Variants in LRRC27 observed in about 807,000 individuals in gnomAD.
LRRC27 encodes leucine rich repeat containing 27.
Under a neutral mutation model 55.0 loss-of-function variants are expected in LRRC27, and 57 were observed. The observed-to-expected ratio is 1.04, with a 90% CI of 0.84 to 1.29. The LOEUF (loss-of-function observed/expected upper bound fraction) is 1.29. Among genes scored for constraint, LRRC27 ranks in the 50% most tolerant of loss-of-function variants. The pLI is 0.00. For synonymous variants in LRRC27, 278 were observed against 251.9 expected, an observed-to-expected ratio of 1.10 and a Z score of -0.98; for missense variants, 721 against 651.5, an observed-to-expected ratio of 1.11 and a Z score of -1.16.
At chr10:132,356,412 T>C (rs1006196954) in intron 8 of LRRC27, among the ~76,000 whole-genome samples, 4 of 150,438 alleles carry the variant, frequency 2.7e-5, no homozygotes, top group Non-Finnish European at 5.9e-5. Context: ...TCCCCCAAGA[T>C]TGCCAGCTCT....
At chr10:132,347,814 G>A (rs1265568763) in intron 5 of LRRC27, among the ~76,000 whole-genome samples, 170 bp from the exon 6 acceptor site, 1 of 152,194 alleles carries the variant, frequency 6.6e-6, no homozygotes, top group Admixed American at 6.5e-5. Context: ...CTGGCGTGGT[G>A]CAGGTGGCAG....
intron 9 of LRRC27, among the ~76,000 whole-genome samples, chr10:132,364,715 G>T (rs1482265417): frequency 4.1e-4 from 1 of 2,430 alleles, no homozygotes; most frequent in African/African-American, 8.9e-4. Context: ...CCACACTCAT[G>T]CAGTCCGCGT....
intron 7 of LRRC27, chr10:132,352,858 C>G (rs781272317): frequency 1.9e-6 from 3 of 1,613,050 alleles, no homozygotes; most frequent in Admixed American, 3.3e-5. Flanking sequence ...TTGTTCTTTT[C>G]CCTCATTTCT....
Position 132,348,169 on chromosome 10 carries a change from G to T in LRRC27, c.739G>T (p.Ala247Ser), listed in dbSNP as rs1233898345. ...KPDLSELRKS[A>S]DSSENWPSEE... The stretch of plus-strand genomic sequence containing the variant: ...AGACCTGAGTGAACTCAGGAAGTCT[G>T]CGGACTCCTCAGAGAACTGGCCCAG... Residue 247 changes from alanine to serine, a missense_variant, in exon 6 of 11, where the codon GCG becomes TCG. Physicochemically the swap from Ala to Ser is moderately conservative, Grantham distance 99. Coordinates refer to ENST00000368614, the MANE Select transcript of LRRC27 (RefSeq NM_030626.3). This position sits in a 1 kb window ranked among gnomAD's most constrained non-coding sequence, Gnocchi z 4.2. The T allele has an allele frequency of 2.8e-5, 45 of 1,613,974 alleles. No homozygotes were observed. Among genetic ancestry groups the T allele is most frequent in the Non-Finnish European group, 3.8e-5 (45 of 1,180,034 alleles).
intron 9 of LRRC27, among the ~76,000 whole-genome samples, chr10:132,363,851 C>G (rs1260658392): frequency 6.6e-6 from 1 of 152,162 alleles, no homozygotes; most frequent in Non-Finnish European, 1.5e-5. Flanking sequence ...AGGGCATGTT[C>G]TGTTCCTGCA....
Position 132,361,456 on chromosome 10 carries a change from G to T in LRRC27, c.1171-1G>T. The T allele has an allele frequency of 1.2e-6, 2 of 1,603,936 alleles. No homozygotes were observed. Among genetic ancestry groups the T allele is most frequent in the Non-Finnish European group, 1.7e-6 (2 of 1,170,996 alleles). ...GAAATCATCTTGTTGCATTTTCCTA[G>T]GTGGCATCAAAGATTCCCTCTGCCA... is the stretch of plus-strand genomic sequence containing the variant. On this transcript the variant is annotated splice_acceptor_variant, in intron 8 of 10. Transcript: ENST00000368614. LOFTEE classifies it high-confidence loss of function.
chr10:132,338,440 G>A (rs1590602605), intron 3 of LRRC27, among the ~76,000 whole-genome samples: 2 of 152,354 alleles, frequency 1.3e-5, no homozygotes. Context: ...ACCCAACCAA[G>A]CTCCAGGTGT....
At chr10:132,340,496 A>G (rs1254015399) in intron 3 of LRRC27, among the ~76,000 whole-genome samples, 1 of 152,170 alleles carries the variant, frequency 6.6e-6, no homozygotes, top group Non-Finnish European at 1.5e-5. Context: ...CCTCCTCAGC[A>G]TCTGGAGGCC....
At chr10:132,331,384 G>T, upstream of LRRC27, 3 of 1,546,732 alleles carry the variant, frequency 1.9e-6, no homozygotes, top group Non-Finnish European at 1.8e-6. Context: ...CTCCCGCCCG[G>T]TGTCATTTCA....
At position 132,337,956 on chromosome 10, in the gene LRRC27, C is replaced by T. The variant is rs118156648; in HGVS notation, c.341+261C>T. ...CAGCCAGTGTGATTTTTGTCACAGC[C>T]GATTCCAGCTCTGACTCTCCTTGTG... On this transcript the variant is annotated intron_variant, in intron 3 of 10. Coordinates refer to ENST00000368614, the MANE Select transcript of LRRC27 (RefSeq NM_030626.3). 2.0e-5 allele frequency among the ~76,000 whole-genome samples: 3 copies of T among 152,240 alleles called. No individual in the cohort carries two copies. The East Asian group carries it at 5.8e-4, about 29-fold the overall frequency.
At chr10:132,330,380 C>G (rs1047873544), upstream of LRRC27, 4 of 708,392 alleles carry the variant, frequency 5.6e-6, no homozygotes, top group African/African-American at 5.3e-5. Context: ...CCATCCCCTT[C>G]GCCACTCACG....
intron 9 of LRRC27, among the ~76,000 whole-genome samples, chr10:132,362,216 G>C (rs1355261315): frequency 6.6e-6 from 1 of 152,194 alleles, no homozygotes; most frequent in Non-Finnish European, 1.5e-5. Flanking sequence ...TGCTGGGCAG[G>C]TTGTCATCCC....
At chr10:132,353,012 T>A in intron 7 of LRRC27, 1 of 1,604,368 alleles carries the variant, frequency 6.2e-7, no homozygotes, top group South Asian at 1.1e-5. Context: ...GGACTCGGTG[T>A]CCTCAGTGTC....
chr10:132,367,026 G>A (rs2069111559), intron 10 of LRRC27: 1 of 1,131,028 alleles, frequency 8.8e-7, no homozygotes, highest in Non-Finnish European at 1.1e-6. Flanking sequence ...GTATGACCTT[G>A]TCCTTGGACA....
At position 132,361,494 on chromosome 10, in the gene LRRC27, A is replaced by G. The variant is rs1012432286; in HGVS notation, c.1208A>G (p.Asp403Gly). Residue 403 changes from aspartate (D) to glycine (G), a missense_variant, in exon 9 of 11, where the codon GAT becomes GGT. Coordinates refer to ENST00000368614, the MANE Select transcript of LRRC27 (RefSeq NM_030626.3). ...SKIPSATDLI[D>G]NRKVPLNPPG... Reference sequence around the variant, plus strand: ...ATTCCCTCTGCCACAGATCTGATAGATAACAGGAAAGTACCACTGAATCCG... The same window carrying G: ...ATTCCCTCTGCCACAGATCTGATAGGTAACAGGAAAGTACCACTGAATCCG... 5 of 1,613,828 alleles carry G rather than the reference A, an allele frequency of 3.1e-6. No individual in the cohort carries two copies. The highest frequency in any genetic ancestry group is 1.3e-5 in the African/African-American group (1 of 74,940).
rs566995423 is a variant in LRRC27 at position 132,372,555 on chromosome 10, C to T, written c.1417-2511C>T. On this transcript the variant is annotated intron_variant, in intron 10 of 10. Coordinates refer to ENST00000368614, the MANE Select transcript of LRRC27 (RefSeq NM_030626.3). The surrounding 1 kb of genome is among the most constrained non-coding windows in gnomAD (Gnocchi z 4.0). ...CGCACTCCAGCCTGGGCAACAAGAG[C>T]GAAACTCCATTTCAAAAAACAAAAA... Among the ~76,000 whole-genome samples the T allele has an allele frequency of 2.6e-5, 4 of 152,216 alleles. No homozygotes were observed. The highest frequency in any genetic ancestry group is 4.1e-4 in the South Asian group (2 of 4,828).
intron 4 of LRRC27, among the ~76,000 whole-genome samples, chr10:132,343,063 C>T (rs576041178): frequency 6.6e-6 from 1 of 152,250 alleles, no homozygotes; most frequent in African/African-American, 2.4e-5. Flanking sequence ...ATCTTAGCAC[C>T]TTGGGGCGCC....
chr10:132,353,069 G>A, intron 7 of LRRC27: 1 of 1,533,322 alleles, frequency 6.5e-7, no homozygotes, highest in Admixed American at 2.0e-5. Context: ...ACCCCTCCCT[G>A]GGCCCCAGGA....
chr10:132,355,663 C>A, intron 7 of LRRC27, 127 bp from the exon 8 acceptor site: 1 of 663,150 alleles, frequency 1.5e-6, no homozygotes. Context: ...ACCCGGAGGG[C>A]ATGCACGCCC....
Sources: gnomAD v4.1 joint callset for allele counts (sites outside exome capture counted in the v4.1 genomes callset) on GRCh38, gnomAD v4.1.1 for gene constraint, Gnocchi (gnomAD v3.1) non-coding constraint, MANE v1.5 for transcripts, NCBI Gene and HGNC (gene_info 2026-07-23, HGNC 2026-07-21) for gene names.